The following MAMDC2 variants were observed in gnomAD, a reference collection of about 807,000 sequenced individuals.
MAMDC2 encodes the protein MAM domain containing 2.
MAMDC2 carries 57 observed loss-of-function variants against 89.8 expected under a neutral mutation model. The observed-to-expected ratio is 0.63, with a 90% confidence interval of 0.51 to 0.79. MAMDC2 has a LOEUF of 0.79. Among genes scored for constraint, MAMDC2 ranks in the 30% least tolerant of loss-of-function variants. The pLI is 0.00. For synonymous variants in MAMDC2, 313 were observed against 293.4 expected (o/e 1.07, Z -0.68); for missense variants, 800 against 820.6 (o/e 0.97, Z 0.31).
chr9:70,073,779 C>T (rs1827464891), intron 2 of MAMDC2, among the ~76,000 whole-genome samples: 1 of 152,160 alleles, frequency 6.6e-6, no homozygotes, highest in Non-Finnish European at 1.5e-5. Context: ...CCTGGCCTGG[C>T]CACAAGCCCC....
At chr9:70,140,851 A>T (rs2031190780) in intron 8 of MAMDC2, among the ~76,000 whole-genome samples, 1 of 152,186 alleles carries the variant, frequency 6.6e-6, no homozygotes, top group African/African-American at 2.4e-5. Context: ...AAAAGCTATT[A>T]AAAAATGTTG....
chr9:70,110,472 G>C (rs1363230402), intron 4 of MAMDC2, among the ~76,000 whole-genome samples: 2 of 152,194 alleles, frequency 1.3e-5, no homozygotes, highest in Admixed American at 1.3e-4. Context: ...TTTCAAGAAG[G>C]AGAAGAATTT....
chr9:70,121,310 G>A (rs2030272848), intron 5 of MAMDC2, among the ~76,000 whole-genome samples: 1 of 152,218 alleles, frequency 6.6e-6, no homozygotes. Context: ...GAGCAAGTGT[G>A]CATACACCAG....
intron 2 of MAMDC2, among the ~76,000 whole-genome samples, chr9:70,103,752 C>T (rs1828259598): frequency 6.6e-6 from 1 of 151,890 alleles, no homozygotes; most frequent in African/African-American, 2.4e-5. Context: ...GAGGCCGAGG[C>T]GGGCAGACTG....
intron 6 of MAMDC2, among the ~76,000 whole-genome samples, chr9:70,131,044 A>G (rs1404112587): frequency 6.6e-6 from 1 of 152,188 alleles, no homozygotes; most frequent in Non-Finnish European, 1.5e-5. Context: ...TATTTCTTAC[A>G]GTCCTGAAGT....
intron 11 of MAMDC2, among the ~76,000 whole-genome samples, chr9:70,212,400 G>A (rs2033372537): frequency 6.6e-6 from 1 of 152,226 alleles, no homozygotes; most frequent in African/African-American, 2.4e-5. Flanking sequence ...AGTGAGCGAG[G>A]CTCTGTGGGT....
chr9:70,056,146 T>G (rs1827020065), intron 2 of MAMDC2, among the ~76,000 whole-genome samples: 1 of 152,242 alleles, frequency 6.6e-6, no homozygotes, highest in Non-Finnish European at 1.5e-5. Context: ...AGTGAGGAGC[T>G]GACTCCTTCG....
At chr9:70,072,938 C>T (rs1424698245) in intron 2 of MAMDC2, among the ~76,000 whole-genome samples, 2 of 152,116 alleles carry the variant, frequency 1.3e-5, no homozygotes, top group African/African-American at 4.8e-5. Flanking sequence ...CAGGTTCAAG[C>T]GATTCTCCTG....
intron 2 of MAMDC2, among the ~76,000 whole-genome samples, chr9:70,052,288 T>G (rs893504319): frequency 1.3e-5 from 2 of 152,246 alleles, no homozygotes; most frequent in Admixed American, 6.5e-5. Flanking sequence ...TTCAAGGCCC[T>G]TCACAGTTTG....
intron 2 of MAMDC2, among the ~76,000 whole-genome samples, chr9:70,046,801 G>A (rs1045482995): frequency 4.6e-5 from 7 of 152,320 alleles, no homozygotes; most frequent in South Asian, 4.1e-4. Flanking sequence ...GTTGGCTGGC[G>A]GAAGTTAATT....
chr9:70,061,112 A>T (rs1461706683), intron 2 of MAMDC2, among the ~76,000 whole-genome samples: 2 of 152,194 alleles, frequency 1.3e-5, no homozygotes, highest in African/African-American at 4.8e-5. Context: ...GATAGCCAGT[A>T]TTACAACCAA....
At chr9:70,069,074 G>A (rs12685937) in intron 2 of MAMDC2, among the ~76,000 whole-genome samples, 10,177 of 152,278 alleles carry the variant, frequency 0.067, 499 homozygotes, top group East Asian at 0.21. Flanking sequence ...GAACCCGGTA[G>A]AAGGATTGTG....
intron 2 of MAMDC2, among the ~76,000 whole-genome samples, chr9:70,074,819 A>G (rs1827494664): frequency 1.3e-5 from 2 of 152,116 alleles, no homozygotes; most frequent in South Asian, 4.1e-4. Flanking sequence ...TGTTAACAGC[A>G]CCCTTTTCCT....
chr9:70,156,208 A>G (rs10126027), intron 9 of MAMDC2, among the ~76,000 whole-genome samples: 130,376 of 152,182 alleles, frequency 0.86, 56,087 homozygotes, highest in East Asian at 0.96. Context: ...AAAAGTTGAA[A>G]TTTAAGTCTT....
intron 2 of MAMDC2, among the ~76,000 whole-genome samples, chr9:70,080,772 A>G (rs1827634495): frequency 6.6e-6 from 1 of 152,176 alleles, no homozygotes; most frequent in Non-Finnish European, 1.5e-5. Context: ...AATATTGCAG[A>G]GTTTCTAAAT....
chr9:70,203,245 G>A (rs1456522739), intron 11 of MAMDC2, among the ~76,000 whole-genome samples: 1 of 152,122 alleles, frequency 6.6e-6, no homozygotes, highest in Non-Finnish European at 1.5e-5. Flanking sequence ...TTTTAGGGCA[G>A]GCCTGATGGT....
intron 11 of MAMDC2, among the ~76,000 whole-genome samples, chr9:70,179,287 C>T (rs1458594813): frequency 1.3e-5 from 2 of 151,788 alleles, no homozygotes. Flanking sequence ...CTGAGGCAGG[C>T]GGATCACGAG....
At chr9:70,206,378 C>T (rs776369599) in intron 11 of MAMDC2, among the ~76,000 whole-genome samples, 8 of 152,230 alleles carry the variant, frequency 5.3e-5, no homozygotes, top group Admixed American at 3.9e-4. Context: ...AGTCTATACA[C>T]GGCTTGGTAT....
chr9:70,108,529 T>C (rs375379790), intron 3 of MAMDC2, 47 bp downstream of exon 3: 29 of 1,486,158 alleles, frequency 2.0e-5, no homozygotes, highest in Non-Finnish European at 2.6e-5. Context: ...ATCTTTGCTT[T>C]ATACTATTCT....
Sources: gnomAD v4.1 joint callset for allele counts (sites outside exome capture counted in the v4.1 genomes callset) on GRCh38, gnomAD v4.1.1 for gene constraint, MANE v1.5 for transcripts, NCBI Gene and HGNC (gene_info 2026-07-23, HGNC 2026-07-21) for gene names.